Variants in ARHGAP10 observed in about 807,000 individuals in gnomAD.
ARHGAP10 encodes Rho GTPase activating protein 10.
ARHGAP10 carries 87 observed loss-of-function variants against 108.6 expected under a neutral mutation model. The ratio of observed to expected loss-of-function variants is 0.80; its 90% CI spans 0.67 to 0.96. The LOEUF (loss-of-function observed/expected upper bound fraction) is 0.96. Ranked by LOEUF, ARHGAP10 falls within the 40% of genes least tolerant of loss-of-function variation. The pLI is 0.00. For synonymous variants in ARHGAP10, 347 were observed against 341.1 expected, an observed-to-expected ratio of 1.02 and a Z score of -0.19; for missense variants, 939 against 954.5, an observed-to-expected ratio of 0.98 and a Z score of 0.21.
At chr4:148,037,638 C>T (rs1728438319) in intron 19 of ARHGAP10, among the ~76,000 whole-genome samples, 1 of 152,144 alleles carries the variant, frequency 6.6e-6, no homozygotes, top group Non-Finnish European at 1.5e-5. Context: ...AGATTGAGAT[C>T]ATCCTGGCCA....
intron 7 of ARHGAP10, among the ~76,000 whole-genome samples, chr4:147,870,190 T>C (rs7654818): frequency 0.95 from 143,799 of 152,032 alleles, 68,445 homozygotes; most frequent in Non-Finnish European, 1. Context: ...ATGCCATCCT[T>C]CTGCCTGTAG....
At chr4:147,791,367 C>T (rs761878065) in intron 1 of ARHGAP10, among the ~76,000 whole-genome samples, 2 of 151,998 alleles carry the variant, frequency 1.3e-5, no homozygotes, top group Non-Finnish European at 1.5e-5. Flanking sequence ...CTGCCTCAGC[C>T]TCCCGAAGTG....
chr4:147,971,093 CAAA>C (rs59721708), intron 18 of ARHGAP10, among the ~76,000 whole-genome samples: 21 of 74,242 alleles, frequency 2.8e-4, no homozygotes, highest in South Asian at 2.8e-3. Context: ...GACTCTGTCT[CAAA>C]AAAAAAAAAA....
intron 1 of ARHGAP10, among the ~76,000 whole-genome samples, chr4:147,742,443 A>T (rs1728717564): frequency 7.1e-6 from 1 of 140,586 alleles, no homozygotes; most frequent in Non-Finnish European, 1.5e-5. Context: ...TTGTGGCTTT[A>T]CCCATAGTTA....
chr4:148,069,572 T>G (rs1305659758), intron 22 of ARHGAP10, among the ~76,000 whole-genome samples: 2 of 152,180 alleles, frequency 1.3e-5, no homozygotes, highest in Non-Finnish European at 2.9e-5. Flanking sequence ...TAATACCGAG[T>G]CTGTGCTTGC....
At chr4:147,732,590 A>T (rs1181849952) in intron 1 of ARHGAP10, 135 bp downstream of exon 1, 1 of 1,285,478 alleles carries the variant, frequency 7.8e-7, no homozygotes, top group Non-Finnish European at 1.1e-6. Context: ...GGACCAGCCC[A>T]GCTCTCTCGG....
At chr4:148,035,000 C>T (rs1339388457) in intron 19 of ARHGAP10, among the ~76,000 whole-genome samples, 1 of 152,182 alleles carries the variant, frequency 6.6e-6, no homozygotes, top group Admixed American at 6.5e-5. Flanking sequence ...TGCAACTGAA[C>T]TGGTCTTACT....
chr4:147,837,620 C>A (rs1733220832), intron 3 of ARHGAP10, among the ~76,000 whole-genome samples: 1 of 131,292 alleles, frequency 7.6e-6, no homozygotes, highest in African/African-American at 2.7e-5. Flanking sequence ...GTTGCTGCCA[C>A]CTCGCTAGAA....
chr4:148,055,994 C>T (rs367928904), intron 20 of ARHGAP10, among the ~76,000 whole-genome samples: 22 of 152,258 alleles, frequency 1.4e-4, no homozygotes, highest in African/African-American at 4.8e-4. Flanking sequence ...GTGAGCAAAC[C>T]GTGGCCCACT....
At chr4:148,037,089 G>C (rs1398509690) in intron 19 of ARHGAP10, among the ~76,000 whole-genome samples, 2 of 152,162 alleles carry the variant, frequency 1.3e-5, no homozygotes, top group African/African-American at 4.8e-5. Context: ...TAACTTTGGG[G>C]ATCTGGTCAC....
chr4:148,011,449 C>T (rs960582783), intron 18 of ARHGAP10, among the ~76,000 whole-genome samples: 18 of 152,208 alleles, frequency 1.2e-4, no homozygotes, highest in African/African-American at 2.9e-4. Flanking sequence ...CTGTTGAGCA[C>T]GGCACCTATG....
chr4:147,741,584 A>G lies in ARHGAP10; in HGVS notation c.154+9129A>G, dbSNP rs149329720. Among the ~76,000 whole-genome samples the G allele has an allele frequency of 3.3e-3, 510 of 152,280 alleles. 5 individuals carry two copies. Among genetic ancestry groups the G allele is most frequent in the African/African-American group, 0.012 (480 of 41,546 alleles). Reference sequence around the variant, plus strand: ...GGATGGTATCTTGTGGTAAGCCCCAAAGCAAACACTGGCAGGTCTGCTTCC... The same window carrying G: ...GGATGGTATCTTGTGGTAAGCCCCAGAGCAAACACTGGCAGGTCTGCTTCC... On this transcript the variant is annotated intron_variant, in intron 1 of 22. Transcript: ENST00000336498.
At chr4:147,787,052 G>C (rs1730918921) in intron 1 of ARHGAP10, among the ~76,000 whole-genome samples, 1 of 152,152 alleles carries the variant, frequency 6.6e-6, no homozygotes, top group South Asian at 2.1e-4. Context: ...GAAGGGACCT[G>C]GAGTGCTCGG....
chr4:147,825,612 A>G lies in ARHGAP10; in HGVS notation c.312+2655A>G, dbSNP rs1441272412. ...TTTTCTGGCACACACTGACAGATAC[A>G]GTCATTATTCATGTGATCCTGTAGT... On this transcript the variant is annotated intron_variant, in intron 3 of 22. Coordinates refer to ENST00000336498, the MANE Select transcript of ARHGAP10 (RefSeq NM_024605.4). Among the ~76,000 whole-genome samples, 3 of 152,200 alleles carry G rather than the reference A, an allele frequency of 2.0e-5. No individual in the cohort carries two copies. In the East Asian group the frequency reaches 5.8e-4, roughly 29 times the overall value.
At chr4:147,884,439 T>C (rs1735459699) in intron 10 of ARHGAP10, among the ~76,000 whole-genome samples, 1 of 152,216 alleles carries the variant, frequency 6.6e-6, no homozygotes, top group Non-Finnish European at 1.5e-5. Flanking sequence ...AAATTTCATG[T>C]TAATGTGTAT....
At chr4:147,835,146 A>G (rs1017474983) in intron 3 of ARHGAP10, among the ~76,000 whole-genome samples, 2 of 152,140 alleles carry the variant, frequency 1.3e-5, no homozygotes, top group Admixed American at 1.3e-4. Flanking sequence ...CCGTGTTCTC[A>G]CACCTGAGGA....
chr4:147,759,031 G>A (rs1729491248), intron 1 of ARHGAP10, among the ~76,000 whole-genome samples: 1 of 148,304 alleles, frequency 6.7e-6, no homozygotes, highest in South Asian at 2.2e-4. Context: ...TCTACTTTTT[G>A]TCTATTTTCT....
At chr4:147,909,706 T>G in intron 11 of ARHGAP10, 26 bp from the exon 12 acceptor site, 1 of 1,595,416 alleles carries the variant, frequency 6.3e-7, no homozygotes, top group South Asian at 1.1e-5. Context: ...ATTAAAAAAT[T>G]CTGTTTTTCC....
chr4:147,842,504 A>C (rs1221031578), intron 3 of ARHGAP10, among the ~76,000 whole-genome samples: 1 of 152,090 alleles, frequency 6.6e-6, no homozygotes, highest in Non-Finnish European at 1.5e-5. Flanking sequence ...CTGATGGCTA[A>C]TGGAGACCAT....
Sources: gnomAD v4.1 joint callset for allele counts (sites outside exome capture counted in the v4.1 genomes callset) on GRCh38, gnomAD v4.1.1 for gene constraint, MANE v1.5 for transcripts, NCBI Gene and HGNC (gene_info 2026-07-23, HGNC 2026-07-21) for gene names.